Variants in EIF3B observed in about 807,000 individuals in gnomAD.
EIF3B encodes the protein eukaryotic translation initiation factor 3 subunit 9.
A neutral mutation model predicts 104.6 loss-of-function variants in EIF3B; 10 were observed. The observed-to-expected ratio is 0.10, with a 90% confidence interval of 0.06 to 0.16. The LOEUF is 0.16. EIF3B is among the 10% of genes least tolerant of loss of function. The pLI is 1.00. For synonymous variants in EIF3B, 542 were observed against 417.2 expected (o/e 1.30, Z -3.65); for missense variants, 1,014 against 1,087.9 (o/e 0.93, Z 0.96).
At chr7:2,365,674 TG>T (rs1242004837) in intron 6 of EIF3B, among the ~76,000 whole-genome samples, 50 of 51,286 alleles carry the variant, frequency 9.7e-4, no homozygotes, top group African/African-American at 4.0e-3. Flanking sequence ...TTTGTTTGTT[TG>T]TTTTGTTTTT....
intron 8 of EIF3B, 73 bp downstream of exon 8, chr7:2,366,664 T>C (rs1002873700): frequency 4.8e-5 from 74 of 1,555,798 alleles, no homozygotes; most frequent in East Asian, 1.1e-4. Flanking sequence ...CCTTTCCTTA[T>C]TTGTGCTAGA....
chr7:2,362,501 G>A, intron 2 of EIF3B, 144 bp from the exon 3 acceptor site: 1 of 966,536 alleles, frequency 1.0e-6, no homozygotes, highest in Non-Finnish European at 1.5e-6. Context: ...TGTCCCCCGT[G>A]TGACTGCCTT....
chr7:2,372,562 T>A, intron 11 of EIF3B, 111 bp from the exon 12 acceptor site: 1 of 1,382,972 alleles, frequency 7.2e-7, no homozygotes, highest in Non-Finnish European at 9.8e-7. Context: ...TAATGAACTT[T>A]TACACGTCGG....
intron 3 of EIF3B, 78 bp downstream of exon 3, chr7:2,362,842 T>C: frequency 6.3e-7 from 1 of 1,588,580 alleles, no homozygotes. Flanking sequence ...TTGGTGCTTC[T>C]CGGTGCTGGT....
At chr7:2,362,800 G>A in intron 3 of EIF3B, 36 bp downstream of exon 3, 2 of 1,613,132 alleles carry the variant, frequency 1.2e-6, no homozygotes, top group Non-Finnish European at 1.7e-6. Flanking sequence ...AGTGGACGTT[G>A]ACGTGCAAGT....
intron 9 of EIF3B, among the ~76,000 whole-genome samples, chr7:2,368,138 C>A (rs574322265): frequency 6.6e-6 from 1 of 151,766 alleles, no homozygotes; most frequent in African/African-American, 2.4e-5. Context: ...GCCACCACAC[C>A]CAGCCATTTT....
At chr7:2,380,156 A>C in intron 18 of EIF3B, 48 bp from the exon 19 acceptor site, 1 of 331,956 alleles carries the variant, frequency 3.0e-6, no homozygotes. Flanking sequence ...GGGGTCCCTC[A>C]GCCTTTTGAG....
intron 1 of EIF3B, among the ~76,000 whole-genome samples, chr7:2,357,797 C>A (rs779319340): frequency 6.6e-6 from 1 of 152,150 alleles, no homozygotes; most frequent in Non-Finnish European, 1.5e-5. Context: ...TTCCTTCCTA[C>A]GTGTGGGCAG....
intron 12 of EIF3B, chr7:2,373,389 C>T (rs1780463347): frequency 6.6e-6 from 1 of 152,416 alleles, no homozygotes; most frequent in African/African-American, 2.4e-5. Context: ...TTGCTTGTTG[C>T]TTCATAGGCG....
At chr7:2,364,813 T>C (rs561711112) in intron 6 of EIF3B, among the ~76,000 whole-genome samples, 1 of 152,336 alleles carries the variant, frequency 6.6e-6, no homozygotes, top group Non-Finnish European at 1.5e-5. Context: ...AGTGTGACCA[T>C]AGTGTGGGTA....
At chr7:2,361,952 C>CTTGCTTAT (rs1779756671) in intron 2 of EIF3B, among the ~76,000 whole-genome samples, 1 of 148,750 alleles carries the variant, frequency 6.7e-6, no homozygotes, top group Non-Finnish European at 1.5e-5. Flanking sequence ...TGCTTGCTTG[C>CTTGCTTAT]TTATTTATTT....
chr7:2,376,806 A>G (rs1780655916), intron 14 of EIF3B, 144 bp from the exon 15 acceptor site: 1 of 1,244,056 alleles, frequency 8.0e-7, no homozygotes, highest in Non-Finnish European at 1.1e-6. Flanking sequence ...CTGCCCACCT[A>G]CCCTGCTGTC....
rs774081759 is a variant in EIF3B at position 2,355,383 on chromosome 7, C to T, written c.462C>T (p.Ser154=). The change falls in exon 1 of 19, where the codon AGC becomes AGT. Residue 154 remains serine, a synonymous_variant. Transcript: ENST00000360876. ...GCGACGCGGACGAGCCCTCCTTCAGCGACCCCGAGGACTTCGTGGACGACG... is the reference window on the plus strand; with the variant it reads ...GCGACGCGGACGAGCCCTCCTTCAGTGACCCCGAGGACTTCGTGGACGACG... ...ENGDADEPSF[S]DPEDFVDDVS... 3.3e-6 allele frequency: 5 copies of T among 1,524,744 alleles called. No individual in the cohort carries two copies. The highest frequency in any genetic ancestry group is 2.8e-5 in the African/African-American group (2 of 71,962). 94.5% of individuals were successfully genotyped at this position (1,524,744 alleles called of 1,614,324 possible).
In EIF3B at chr7:2,369,496, T is replaced by C. The variant is rs142311273; in HGVS notation, c.1428T>C (p.Gly476=). Residue 476 remains glycine, a synonymous_variant, in exon 10 of 19, where the codon GGT becomes GGC. Coordinates refer to ENST00000360876, the MANE Select transcript of EIF3B (RefSeq NM_001037283.2). ...GAGACTTTTCTTGGTCTCCTGGTGGTAACATAATCGCCTTCTGGGTGCCTG... is the reference window on the plus strand; with the variant it reads ...GAGACTTTTCTTGGTCTCCTGGTGGCAACATAATCGCCTTCTGGGTGCCTG... ...GIKDFSWSPG[G]NIIAFWVPED... The C allele has an allele frequency of 1.2e-6, 2 of 1,614,246 alleles. No individual in the cohort carries two copies. Among genetic ancestry groups the C allele is most frequent in the Admixed American group, 1.7e-5 (1 of 60,020 alleles).
At chr7:2,355,535 G>T in intron 1 of EIF3B, 115 bp downstream of exon 1, 12 of 1,346,978 alleles carry the variant, frequency 8.9e-6, no homozygotes, top group Non-Finnish European at 1.2e-5. Context: ...CAGCGAGGGT[G>T]TCCGTGTGTT....
At chr7:2,362,347 T>C (rs1308514555) in intron 2 of EIF3B, among the ~76,000 whole-genome samples, 1 of 152,204 alleles carries the variant, frequency 6.6e-6, no homozygotes, top group Admixed American at 6.5e-5. Flanking sequence ...TACATTTTGA[T>C]GTGTACATAT....
intron 2 of EIF3B, 89 bp from the exon 3 acceptor site, chr7:2,362,556 G>A (rs1210301386): frequency 4.6e-6 from 7 of 1,538,446 alleles, no homozygotes; most frequent in Non-Finnish European, 6.2e-6. Flanking sequence ...TGGCACCGAG[G>A]GCTTGTCCGT....
intron 1 of EIF3B, among the ~76,000 whole-genome samples, chr7:2,357,123 TCTG>T (rs1779489381): frequency 6.6e-6 from 1 of 152,248 alleles, no homozygotes; most frequent in African/African-American, 2.4e-5. Flanking sequence ...CCTTGGATAT[TCTG>T]CTACTTTTTT....
rs1779307392 is a variant in EIF3B at position 2,354,944 on chromosome 7, CGGTGCCCGA to C, written c.26_34del (p.Val9_Glu11del). On this transcript the variant is annotated inframe_deletion, in exon 1 of 19. Transcript: ENST00000360876. ...CCCATGCAGGACGCGGAGAACGTGGCGGTGCCCGAGGCGGCCGAGGAGCGCGCCGAGCCC... is the reference window on the plus strand; with the variant it reads ...CCCATGCAGGACGCGGAGAACGTGGCGGCGGCCGAGGAGCGCGCCGAGCCC... 1.6e-6 allele frequency: 2 copies of C among 1,225,696 alleles called. No individual in the cohort carries two copies. Among genetic ancestry groups the C allele is most frequent in the South Asian group, 4.4e-5 (2 of 45,804 alleles). The allele number at this position is 1,225,696 out of a possible 1,614,324, so 75.9% of individuals were successfully genotyped here. A position where few individuals can be genotyped will look rare whatever the true frequency, so the allele number is the denominator to read the frequency against.
Sources: allele counts gnomAD v4.1 joint callset (sites outside exome capture counted in the v4.1 genomes callset), GRCh38; gene constraint gnomAD v4.1.1; transcripts MANE v1.5; gene names NCBI Gene and HGNC (gene_info 2026-07-23, HGNC 2026-07-21).